CELF4: variants seen among roughly 807,000 people sequenced by gnomAD.
The protein encoded by CELF4 is CUG-BP- and ETR-3-like factor 4.
A neutral mutation model predicts 59.9 loss-of-function variants in CELF4; 18 were observed. That is an observed-to-expected ratio of 0.30 (90% CI 0.21 to 0.45). The LOEUF (loss-of-function observed/expected upper bound fraction) is 0.45, where lower values mean the gene tolerates loss of function less well. Among genes scored for constraint, CELF4 ranks in the 20% least tolerant of loss-of-function variants. The probability of loss-of-function intolerance (pLI) is 1.00; values close to 1 mark genes in which losing one functional copy is unlikely to be tolerated. For missense variants in CELF4, 456 were observed against 689.0 expected (o/e 0.66, Z 3.79); for synonymous variants, 261 against 267.1 (o/e 0.98, Z 0.22).
intron 3 of CELF4, among the ~76,000 whole-genome samples, chr18:37,310,952 C>T (rs1464205510): frequency 2.6e-5 from 4 of 152,164 alleles, no homozygotes; most frequent in Non-Finnish European, 5.9e-5. Context: ...GGATGGGACA[C>T]GAGAAGGCCG....
intron 3 of CELF4, among the ~76,000 whole-genome samples, chr18:37,293,233 G>A (rs769676676): frequency 2.1e-4 from 32 of 152,332 alleles, no homozygotes; most frequent in Admixed American, 3.3e-4. Context: ...ATTCTCTCAC[G>A]GTTCTGGAGG....
chr18:37,554,929 C>T (rs1280747713), intron 1 of CELF4, among the ~76,000 whole-genome samples: 1 of 152,176 alleles, frequency 6.6e-6, no homozygotes, highest in African/African-American at 2.4e-5. Flanking sequence ...TGAAAGTAAG[C>T]CTCAGTGAGA....
At chr18:37,537,253 C>G (rs534422818) in intron 1 of CELF4, among the ~76,000 whole-genome samples, 10 of 152,178 alleles carry the variant, frequency 6.6e-5, no homozygotes, top group Non-Finnish European at 1.2e-4. Flanking sequence ...GGCTGGTTCT[C>G]AGAGCAGGAA....
rs2092922075 is a variant in CELF4, at chr18:37,275,309, C to T, written c.449-66G>A. On this transcript the variant is annotated intron_variant, in intron 3 of 12. Coordinates refer to ENST00000420428, the MANE Select transcript of CELF4 (RefSeq NM_020180.4). ...GGGCTGCGCGGGAGCAGGGCAAGGCCGGAGGGGGAGAGCGGCAGGGAAAGG... is the reference window on the plus strand; with the variant it reads ...GGGCTGCGCGGGAGCAGGGCAAGGCTGGAGGGGGAGAGCGGCAGGGAAAGG... The T allele has an allele frequency of 2.4e-6, 3 of 1,271,612 alleles. No individual in the cohort carries two copies. In the Admixed American group the frequency reaches 6.5e-5, roughly 27 times the overall value. 78.8% of individuals were successfully genotyped at this position (1,271,612 alleles called of 1,614,324 possible).
chr18:37,541,125 G>T (rs952360987), intron 1 of CELF4, among the ~76,000 whole-genome samples: 1 of 152,098 alleles, frequency 6.6e-6, no homozygotes, highest in Non-Finnish European at 1.5e-5. Flanking sequence ...TAAATACCAT[G>T]ACATATTGAT....
chr18:37,346,555 G>A (rs1000139782), intron 2 of CELF4, among the ~76,000 whole-genome samples: 1 of 152,218 alleles, frequency 6.6e-6, no homozygotes. Context: ...CACGCCAGGA[G>A]GTGGGGGGCA....
At chr18:37,467,263 C>T (rs1038096007) in intron 2 of CELF4, among the ~76,000 whole-genome samples, 1 of 152,140 alleles carries the variant, frequency 6.6e-6, no homozygotes, top group Non-Finnish European at 1.5e-5. Context: ...GTCCTTGTTA[C>T]AGGACAGGTA....
intron 2 of CELF4, among the ~76,000 whole-genome samples, chr18:37,478,231 G>A (rs183703095): frequency 2.0e-5 from 3 of 152,208 alleles, no homozygotes; most frequent in Non-Finnish European, 2.9e-5. Context: ...CTCCTTCACA[G>A]TCTAGATGGT....
intron 2 of CELF4, among the ~76,000 whole-genome samples, chr18:37,325,067 C>G (rs1309068933): frequency 6.6e-6 from 1 of 152,092 alleles, no homozygotes; most frequent in Non-Finnish European, 1.5e-5. Flanking sequence ...GGAATTCAGG[C>G]TTCCCCTGCA....
chr18:37,441,167 C>T (rs546753288), intron 2 of CELF4, among the ~76,000 whole-genome samples: 17 of 152,112 alleles, frequency 1.1e-4, no homozygotes, highest in South Asian at 2.1e-4. Context: ...CTCCCAGCCA[C>T]GGAGGGTGGG....
intron 3 of CELF4, among the ~76,000 whole-genome samples, chr18:37,315,721 C>A (rs574138958): frequency 6.6e-6 from 1 of 152,166 alleles, no homozygotes; most frequent in Non-Finnish European, 1.5e-5. Flanking sequence ...GGGAAAGAAA[C>A]GTCCTCCCCA....
intron 3 of CELF4, 142 bp from the exon 4 acceptor site, chr18:37,275,385 C>T (rs1431358031): frequency 4.5e-4 from 6 of 13,456 alleles, no homozygotes; most frequent in Non-Finnish European, 9.1e-4. Context: ...GGGAGAGGTG[C>T]GGGGGAGGGG....
At chr18:37,372,940 G>A (rs2098919818) in intron 2 of CELF4, among the ~76,000 whole-genome samples, 1 of 152,116 alleles carries the variant, frequency 6.6e-6, no homozygotes, top group African/African-American at 2.4e-5. Flanking sequence ...TGCCAGGGGA[G>A]GGACAAGAGC....
chr18:37,458,444 G>T (rs548279951), intron 2 of CELF4, among the ~76,000 whole-genome samples: 1 of 152,334 alleles, frequency 6.6e-6, no homozygotes, highest in African/African-American at 2.4e-5. Flanking sequence ...TCACCTTTGG[G>T]CTTATGTGGA....
At chr18:37,383,983 C>T (rs2099071031) in intron 2 of CELF4, among the ~76,000 whole-genome samples, 1 of 152,202 alleles carries the variant, frequency 6.6e-6, no homozygotes, top group Non-Finnish European at 1.5e-5. Context: ...GGTTCTTCCT[C>T]CTCCTTCCAG....
At chr18:37,448,091 G>C (rs182778627) in intron 2 of CELF4, among the ~76,000 whole-genome samples, 1 of 152,380 alleles carries the variant, frequency 6.6e-6, no homozygotes, top group African/African-American at 2.4e-5. Flanking sequence ...CCATGAGGCA[G>C]TCGAATGGCC....
chr18:37,417,457 A>G (rs1237460465), intron 2 of CELF4, among the ~76,000 whole-genome samples: 1 of 152,096 alleles, frequency 6.6e-6, no homozygotes, highest in East Asian at 1.9e-4. Flanking sequence ...TATGTTCAAG[A>G]TCCTTCCCCA....
intron 3 of CELF4, among the ~76,000 whole-genome samples, chr18:37,310,116 T>A (rs2154486266): frequency 6.6e-6 from 1 of 152,078 alleles, no homozygotes; most frequent in Middle Eastern, 3.4e-3. Context: ...ACAGCTGTCA[T>A]CAAGGAAGAT....
intron 11 of CELF4, among the ~76,000 whole-genome samples, chr18:37,255,597 G>A (rs1480193001): frequency 6.6e-6 from 1 of 150,948 alleles, no homozygotes; most frequent in Non-Finnish European, 1.5e-5. Context: ...CCCCACCTCC[G>A]CTGACCTGTA....
Sources: allele counts gnomAD v4.1 joint callset (sites outside exome capture counted in the v4.1 genomes callset), GRCh38; gene constraint gnomAD v4.1.1; transcripts MANE v1.5; gene names NCBI Gene and HGNC (gene_info 2026-07-23, HGNC 2026-07-21).